Variants in KIRREL1 observed in about 807,000 individuals in gnomAD.
KIRREL1 encodes kin of IRRE-like protein 1.
In KIRREL1, 25 loss-of-function variants were observed where a neutral mutation model predicts 83.3. The ratio of observed to expected loss-of-function variants is 0.30; its 90% CI spans 0.22 to 0.42. The LOEUF (loss-of-function observed/expected upper bound fraction) is 0.42, where lower values mean the gene tolerates loss of function less well. Among genes scored for constraint, KIRREL1 ranks in the 10% least tolerant of loss-of-function variants. KIRREL1 has a pLI of 1.00. For missense variants in KIRREL1, 812 were observed against 1,032.3 expected (o/e 0.79, Z 2.92); for synonymous variants, 388 against 410.4 (o/e 0.95, Z 0.66).
At chr1:158,043,577 C>T (rs1017359979) in intron 1 of KIRREL1, among the ~76,000 whole-genome samples, 1 of 152,220 alleles carries the variant, frequency 6.6e-6, no homozygotes, top group Non-Finnish European at 1.5e-5. Context: ...ACAGGACTCC[C>T]TAAATAAACG....
Position 158,094,208 on chromosome 1 carries a change from G to C in KIRREL1, c.1720-105G>C, listed in dbSNP as rs1571005561. On this transcript the variant is annotated intron_variant, in intron 13 of 14. Coordinates refer to ENST00000359209, the MANE Select transcript of KIRREL1 (RefSeq NM_018240.7). This position sits in a 1 kb window ranked among gnomAD's most constrained non-coding sequence, Gnocchi z 4.6. Reference sequence around the variant, plus strand: ...GAACTCAAGTCTGCCCTTGACCTCAGACCCCACCCATGAGCAGGTGGCCTC... The same window carrying C: ...GAACTCAAGTCTGCCCTTGACCTCACACCCCACCCATGAGCAGGTGGCCTC... The C allele has an allele frequency of 2.1e-6, 2 of 954,686 alleles. No individual in the cohort carries two copies. Among genetic ancestry groups the C allele is most frequent in the South Asian group, 2.8e-5 (2 of 71,270 alleles). 59.1% of individuals were successfully genotyped at this position (954,686 alleles called of 1,614,324 possible).
At chr1:158,042,959 GC>G (rs1261492646) in intron 1 of KIRREL1, among the ~76,000 whole-genome samples, 1 of 151,458 alleles carries the variant, frequency 6.6e-6, no homozygotes. Context: ...GTGGTGGCAG[GC>G]ACCTGTAGTC....
At chr1:158,000,072 G>C (rs527652479) in intron 1 of KIRREL1, among the ~76,000 whole-genome samples, 29 of 150,738 alleles carry the variant, frequency 1.9e-4, no homozygotes, top group African/African-American at 4.4e-4. Context: ...ATGGGGTGGG[G>C]GCTGAGGATA....
chr1:158,047,905 T>C (rs1660817600), intron 1 of KIRREL1, among the ~76,000 whole-genome samples: 2 of 152,296 alleles, frequency 1.3e-5, no homozygotes, highest in African/African-American at 4.8e-5. Flanking sequence ...CTTCTCCTGA[T>C]TTCTTGAAGC....
At chr1:158,088,969 C>T (rs961231354) in intron 8 of KIRREL1, among the ~76,000 whole-genome samples, 2 of 151,906 alleles carry the variant, frequency 1.3e-5, no homozygotes, top group African/African-American at 4.8e-5. Flanking sequence ...GGGGGACAAA[C>T]TCACCTGTGC....
At chr1:158,082,859 G>T (rs1401944412) in intron 3 of KIRREL1, among the ~76,000 whole-genome samples, 1 of 152,154 alleles carries the variant, frequency 6.6e-6, no homozygotes, top group African/African-American at 2.4e-5. Flanking sequence ...TCTGATACTT[G>T]GGAAGCCGAG....
intron 1 of KIRREL1, among the ~76,000 whole-genome samples, chr1:158,003,732 G>A (rs774473454): frequency 6.6e-6 from 1 of 152,002 alleles, no homozygotes; most frequent in East Asian, 1.9e-4. Flanking sequence ...AGTGGGCGAA[G>A]TGAGAATGCA....
chr1:158,017,942 A>C (rs1379952080), intron 1 of KIRREL1, among the ~76,000 whole-genome samples: 1 of 152,106 alleles, frequency 6.6e-6, no homozygotes, highest in Non-Finnish European at 1.5e-5. Flanking sequence ...CAGGGTCAAA[A>C]ACCTGACAGA....
At chr1:158,070,337 A>G (rs1322373375) in intron 1 of KIRREL1, among the ~76,000 whole-genome samples, 1 of 152,198 alleles carries the variant, frequency 6.6e-6, no homozygotes, top group Non-Finnish European at 1.5e-5. Context: ...TACCTTAAGC[A>G]CCCTCAGCCT....
At chr1:158,016,359 A>G (rs114306282) in intron 1 of KIRREL1, among the ~76,000 whole-genome samples, 2,861 of 152,254 alleles carry the variant, frequency 0.019, 40 homozygotes, top group Non-Finnish European at 0.029. Flanking sequence ...TAAACAAATA[A>G]TACAAATTGT....
At position 158,098,441 on chromosome 1, in the gene KIRREL1, G is replaced by T. The variant is rs1057056446; in HGVS notation, c.*3321G>T. On this transcript the variant is annotated 3_prime_UTR_variant, in exon 15 of 15. Coordinates refer to ENST00000359209, the MANE Select transcript of KIRREL1 (RefSeq NM_018240.7). ...TCTTCTCACCAAACAGGTGAAGCCTGCAGTCCAAGGTGCCTGGAGCCAGAG... is the reference window on the plus strand; with the variant it reads ...TCTTCTCACCAAACAGGTGAAGCCTTCAGTCCAAGGTGCCTGGAGCCAGAG... 6.6e-6 allele frequency: 1 copy of T among 152,254 alleles called. No homozygotes were observed. Among genetic ancestry groups the T allele is most frequent in the African/African-American group, 2.4e-5 (1 of 41,470 alleles). 9.4% of individuals were successfully genotyped at this position (152,254 alleles called of 1,614,324 possible). A position where few individuals can be genotyped will look rare whatever the true frequency, so the allele number is the denominator to read the frequency against.
At position 158,096,706 on chromosome 1, in the gene KIRREL1, T is replaced by C. The variant is rs566036742; in HGVS notation, c.*1586T>C. ...TGTGACTGCTTCTCAGCCACCACTT[T>C]CTGACCAAAGAGAACAGGCGCTCCA... On this transcript the variant is annotated 3_prime_UTR_variant, in exon 15 of 15. Transcript: ENST00000359209. 2.4e-4 allele frequency: 110 copies of C among 456,606 alleles called. No individual in the cohort carries two copies. Among genetic ancestry groups the C allele is most frequent in the Middle Eastern group, 6.5e-4 (2 of 3,098 alleles). 28.3% of individuals were successfully genotyped at this position (456,606 alleles called of 1,614,324 possible).
chr1:158,039,937 G>T (rs932783408), intron 1 of KIRREL1, among the ~76,000 whole-genome samples: 17 of 152,230 alleles, frequency 1.1e-4, no homozygotes, highest in Admixed American at 2.6e-4. Flanking sequence ...TTGGTTTTTT[G>T]TTTTTTGGCA....
intron 1 of KIRREL1, among the ~76,000 whole-genome samples, chr1:158,068,783 C>T (rs963920862): frequency 2.7e-5 from 4 of 150,096 alleles, no homozygotes; most frequent in Non-Finnish European, 5.9e-5. Context: ...TTTCATAGAG[C>T]AAGAAGGGAA....
At chr1:158,047,872 A>G (rs1660816508) in intron 1 of KIRREL1, among the ~76,000 whole-genome samples, 1 of 152,160 alleles carries the variant, frequency 6.6e-6, no homozygotes, top group Non-Finnish European at 1.5e-5. Context: ...GTCTCAGCTG[A>G]AACATTTCCT....
Position 158,093,377 on chromosome 1 carries a change from G to T in KIRREL1, c.1510G>T (p.Gly504Cys), listed in dbSNP as rs374770086. ...PVGIIAGATI[G>C]ASILLIFFFI... ...GGGCATCATAGCTGGGGCCACCATC[G>T]GCGCGAGCATCCTGCTCATCTTCTT... The change falls in exon 12 of 15, where the codon GGC becomes TGC. Residue 504 changes from glycine (G) to cysteine (C), a missense_variant. By Grantham distance (159) the Gly-to-Cys change is radical. Coordinates refer to ENST00000359209, the MANE Select transcript of KIRREL1 (RefSeq NM_018240.7). 5.0e-6 allele frequency: 8 copies of T among 1,614,096 alleles called. No individual in the cohort carries two copies. The highest frequency in any genetic ancestry group is 6.8e-6 in the Non-Finnish European group (8 of 1,180,052).
At position 158,095,056 on chromosome 1, in the gene KIRREL1, C is replaced by T. The variant is rs751139928; in HGVS notation, c.2210C>T (p.Ser737Phe). 2 of 1,613,134 alleles carry T rather than the reference C, an allele frequency of 1.2e-6. No individual in the cohort carries two copies. Among genetic ancestry groups the T allele is most frequent in the African/African-American group, 1.3e-5 (1 of 74,912 alleles). The change falls in exon 15 of 15, where the codon TCC becomes TTC. Residue 737 changes from serine to phenylalanine, a missense_variant. Physicochemically the swap from Ser to Phe is radical, Grantham distance 155. Transcript: ENST00000359209. ...AAGTACGCCACAGCCACTCGATTCTCCTACACCTCCCAGCACTCGGACTAC... is the reference window on the plus strand; with the variant it reads ...AAGTACGCCACAGCCACTCGATTCTTCTACACCTCCCAGCACTCGGACTAC... ...IGKYATATRFSYTSQHSDYGQ... is the reference protein window; with the variant it reads ...IGKYATATRFFYTSQHSDYGQ...
intron 1 of KIRREL1, among the ~76,000 whole-genome samples, chr1:158,026,700 G>A (rs566436880): frequency 7.2e-5 from 11 of 152,256 alleles, no homozygotes; most frequent in African/African-American, 2.6e-4. Context: ...CCATTTTACA[G>A]AACAGGAATC....
chr1:158,026,676 A>T (rs991754638), intron 1 of KIRREL1, among the ~76,000 whole-genome samples: 8 of 151,244 alleles, frequency 5.3e-5, no homozygotes, highest in African/African-American at 1.9e-4. Context: ...TATGAGGTAG[A>T]TATTTTATCA....
Sources: allele counts gnomAD v4.1 joint callset (sites outside exome capture counted in the v4.1 genomes callset), GRCh38; gene constraint gnomAD v4.1.1; non-coding constraint Gnocchi (gnomAD v3.1); transcripts MANE v1.5; gene names NCBI Gene and HGNC (gene_info 2026-07-23, HGNC 2026-07-21).